IL22RA2: variants seen among roughly 807,000 people sequenced by gnomAD.
IL22RA2 encodes interleukin 22 receptor subunit alpha 2, also known as interleukin-22 receptor subunit alpha-2.
Under a neutral mutation model 30.7 loss-of-function variants are expected in IL22RA2, and 39 were observed. The ratio of observed to expected loss-of-function variants is 1.27; its 90% confidence interval spans 0.98 to 1.66. The LOEUF (loss-of-function observed/expected upper bound fraction) is 1.66, where lower values mean the gene tolerates loss of function less well. Among genes scored for constraint, IL22RA2 ranks in the 40% most tolerant of loss-of-function variants. The pLI is 0.00. For synonymous variants in IL22RA2, 103 were observed against 105.0 expected, an observed-to-expected ratio of 0.98 and a Z score of 0.11; for missense variants, 315 against 312.7, an observed-to-expected ratio of 1.01 and a Z score of -0.05.
rs915176552 is a variant in IL22RA2 at position 137,147,865 on chromosome 6, T to C, written c.499A>G (p.Ile167Val). 1 of 1,610,410 alleles carries C rather than the reference T, an allele frequency of 6.2e-7. No homozygotes were observed. The highest frequency in any genetic ancestry group is 1.3e-5 in the African/African-American group (1 of 74,648). ...AACAAAGAGCCATTGACTTGGGTTA[T>C]ATTCATGACTGGAGGATCTATTTTT... Reference protein sequence around the residue: ...ETKIDPPVMNITQVNGSLLVI... With the variant: ...ETKIDPPVMNVTQVNGSLLVI... The change falls in exon 6 of 7, where the codon ATA (isoleucine) becomes GTA (valine). Residue 167 changes from isoleucine to valine, a missense_variant. Ile to Val is a conservative substitution (Grantham distance 29). Coordinates refer to ENST00000296980, the MANE Select transcript of IL22RA2 (RefSeq NM_052962.3).
chr6:137,149,986 T>C (rs1345548644), intron 5 of IL22RA2, among the ~76,000 whole-genome samples: 1 of 152,212 alleles, frequency 6.6e-6, no homozygotes, highest in Non-Finnish European at 1.5e-5. Context: ...GGCCTTCACA[T>C]CTATTTTTAA....
intron 5 of IL22RA2, among the ~76,000 whole-genome samples, chr6:137,153,219 T>C (rs960785838): frequency 6.6e-6 from 1 of 152,062 alleles, no homozygotes; most frequent in African/African-American, 2.4e-5. Flanking sequence ...AGAACTTAAG[T>C]TAATGTGAAA....
intron 5 of IL22RA2, among the ~76,000 whole-genome samples, chr6:137,149,969 C>G (rs1219734134): frequency 1.3e-5 from 2 of 152,170 alleles, no homozygotes; most frequent in Admixed American, 1.3e-4. Flanking sequence ...ATGGAGCCAA[C>G]ACACCTGGCC....
At chr6:137,157,010 G>A (rs1342980520) in intron 3 of IL22RA2, among the ~76,000 whole-genome samples, 156 bp from the exon 4 acceptor site, 1 of 152,086 alleles carries the variant, frequency 6.6e-6, no homozygotes, top group Non-Finnish European at 1.5e-5. Flanking sequence ...ATGGTACCAA[G>A]CCATTCATGA....
chr6:137,164,570 T>C (rs978289677), intron 1 of IL22RA2, among the ~76,000 whole-genome samples: 1 of 152,192 alleles, frequency 6.6e-6, no homozygotes, highest in Non-Finnish European at 1.5e-5. Context: ...TTTATCCACC[T>C]CTGGCAAAGC....
At chr6:137,149,486 C>T (rs1014164079) in intron 5 of IL22RA2, among the ~76,000 whole-genome samples, 1 of 152,166 alleles carries the variant, frequency 6.6e-6, no homozygotes, top group Non-Finnish European at 1.5e-5. Context: ...TTTGACATGT[C>T]CTCTTCACCA....
chr6:137,147,089 C>T (rs1321790299), intron 6 of IL22RA2, among the ~76,000 whole-genome samples: 1 of 145,744 alleles, frequency 6.9e-6, no homozygotes, highest in Non-Finnish European at 1.5e-5. Context: ...GTGGCTTATG[C>T]CTGCAATCCC....
In IL22RA2 at chr6:137,143,900, T is replaced by C. The variant is rs1031756607; in HGVS notation, c.*1724A>G. 6.6e-6 allele frequency: 1 copy of C among 152,220 alleles called. No individual in the cohort carries two copies. Among genetic ancestry groups the C allele is most frequent in the African/African-American group, 2.4e-5 (1 of 41,448 alleles). 9.4% of individuals were successfully genotyped at this position (152,220 alleles called of 1,614,324 possible). ...AAGAAGATGACAATTATGATTTCCA[T>C]AGAGTATTTTGCACTTGCCTAAGCA... On this transcript the variant is annotated 3_prime_UTR_variant, in exon 7 of 7. Transcript: ENST00000296980.
chr6:137,170,538 G>A (rs549994627), intron 1 of IL22RA2, among the ~76,000 whole-genome samples: 3 of 152,200 alleles, frequency 2.0e-5, no homozygotes, highest in South Asian at 2.1e-4. Flanking sequence ...TGTAACAAAC[G>A]TTGTAATACT....
intron 5 of IL22RA2, among the ~76,000 whole-genome samples, chr6:137,152,670 C>T (rs1245553403): frequency 6.6e-6 from 1 of 152,060 alleles, no homozygotes; most frequent in Non-Finnish European, 1.5e-5. Context: ...TAGTAAAAAC[C>T]ATTAAACTGT....
chr6:137,150,598 T>C (rs1778271331), intron 5 of IL22RA2, among the ~76,000 whole-genome samples: 1 of 151,604 alleles, frequency 6.6e-6, no homozygotes, highest in Non-Finnish European at 1.5e-5. Flanking sequence ...TGTCAGTCAA[T>C]GTCTTTGGCT....
chr6:137,159,328 C>CT (rs200244080), intron 2 of IL22RA2, among the ~76,000 whole-genome samples: 8,878 of 149,298 alleles, frequency 0.059, 579 homozygotes, highest in African/African-American at 0.16. Context: ...AGAAGCATAT[C>CT]TTTTTTTTTT....
intron 3 of IL22RA2, among the ~76,000 whole-genome samples, chr6:137,157,951 TCAC>T (rs1314576068): frequency 2.0e-5 from 3 of 152,220 alleles, no homozygotes; most frequent in African/African-American, 4.8e-5. Flanking sequence ...TTTTACACAC[TCAC>T]CACCATGTTT....
chr6:137,172,600 C>T (rs914965353), intron 1 of IL22RA2, among the ~76,000 whole-genome samples: 4 of 152,242 alleles, frequency 2.6e-5, no homozygotes, highest in African/African-American at 9.6e-5. Context: ...TCCGCTCTGC[C>T]TCCTTTCAGG....
chr6:137,162,491 C>T (rs1156693386), intron 1 of IL22RA2, among the ~76,000 whole-genome samples: 1 of 152,162 alleles, frequency 6.6e-6, no homozygotes, highest in African/African-American at 2.4e-5. Flanking sequence ...TGTCAAACCA[C>T]ATGATTCCTT....
At chr6:137,165,822 G>A (rs1252375229) in intron 1 of IL22RA2, among the ~76,000 whole-genome samples, 2 of 152,188 alleles carry the variant, frequency 1.3e-5, no homozygotes, top group Non-Finnish European at 2.9e-5. Context: ...CCCAACAACA[G>A]AGGAATGGTA....
At chr6:137,157,868 A>G (rs945971166) in intron 3 of IL22RA2, among the ~76,000 whole-genome samples, 4 of 152,156 alleles carry the variant, frequency 2.6e-5, no homozygotes, top group African/African-American at 7.2e-5. Context: ...TGCTTACGAG[A>G]GTCATTAGTT....
At position 137,161,799 on chromosome 6, in the gene IL22RA2, A is replaced by C; in HGVS notation, c.-50T>G. On this transcript the variant is annotated 5_prime_UTR_variant, in exon 2 of 7. An upstream open reading frame in the 5' UTR loses its in-frame stop. Coordinates refer to ENST00000296980, the MANE Select transcript of IL22RA2 (RefSeq NM_052962.3). ...AACCAGTGTTCCTTTTAACCAGCTC[A>C]GGACCAAAGAGGAAACTGTAAAATC... The C allele has an allele frequency of 4.2e-5, 60 of 1,429,274 alleles. No homozygotes were observed. Among genetic ancestry groups the C allele is most frequent in the Middle Eastern group, 3.5e-4 (2 of 5,710 alleles). 88.5% of individuals were successfully genotyped at this position (1,429,274 alleles called of 1,614,324 possible).
At chr6:137,149,912 C>T (rs190966933) in intron 5 of IL22RA2, among the ~76,000 whole-genome samples, 9 of 152,306 alleles carry the variant, frequency 5.9e-5, no homozygotes, top group African/African-American at 2.2e-4. Flanking sequence ...TTCTTTGCCT[C>T]AAGTGATCCT....
Sources: gnomAD v4.1 joint callset for allele counts (sites outside exome capture counted in the v4.1 genomes callset) on GRCh38, gnomAD v4.1.1 for gene constraint, MANE v1.5 for transcripts, NCBI Gene and HGNC (gene_info 2026-07-23, HGNC 2026-07-21) for gene names.